Variants in TMEM165 observed in about 807,000 individuals in gnomAD.
TMEM165 encodes the protein transmembrane protein 165, also known as putative divalent cation/proton antiporter TMEM165.
In TMEM165, 19 loss-of-function variants were observed where a neutral mutation model predicts 30.0. That is an observed-to-expected ratio of 0.63 (90% CI 0.44 to 0.93). TMEM165 has a LOEUF of 0.93. Among genes scored for constraint, TMEM165 ranks in the 40% least tolerant of loss-of-function variants. The pLI is 0.00. For missense variants in TMEM165, 340 were observed against 417.0 expected (o/e 0.82, Z 1.61); for synonymous variants, 168 against 162.9 (o/e 1.03, Z -0.24).
chr4:55,427,036 ATTTT>A (rs1195135340), downstream of TMEM165, among the ~76,000 whole-genome samples: 1 of 56,504 alleles, frequency 1.8e-5, no homozygotes, highest in South Asian at 1.2e-3. Flanking sequence ...TCTCACTAGT[ATTTT>A]TTTTTTTTTT....
chr4:55,419,411 A>G (rs963517754), intron 4 of TMEM165, among the ~76,000 whole-genome samples: 7 of 152,236 alleles, frequency 4.6e-5, no homozygotes, highest in African/African-American at 1.7e-4. Flanking sequence ...TACTCTTCAG[A>G]TGAAGAACCT....
In TMEM165 at chr4:55,438,735, A is replaced by G. The variant is rs116943991; in HGVS notation, c.409-13504A>G. On this transcript the variant is annotated intron_variant, in intron 3 of 3. Coordinates refer to the TMEM165 transcript ENST00000608091. ...AGTAAAACAAAAAATTCATACAGCA[A>G]GATCAATGTGTAACAAAAATACAAA... Among the ~76,000 whole-genome samples, 81 of 152,346 alleles carry G rather than the reference A, an allele frequency of 5.3e-4. No individual in the cohort carries two copies. The East Asian group carries it at 0.015, about 28-fold the overall frequency.
chr4:55,404,636 C>T (rs1435130023), intron 1 of TMEM165, among the ~76,000 whole-genome samples: 1 of 151,600 alleles, frequency 6.6e-6, no homozygotes, highest in Non-Finnish European at 1.5e-5. Context: ...TGAGGTCTCA[C>T]TATGTTGCCC....
intron 1 of TMEM165, among the ~76,000 whole-genome samples, chr4:55,401,410 G>A (rs896155456): frequency 6.6e-6 from 1 of 150,566 alleles, no homozygotes; most frequent in Non-Finnish European, 1.5e-5. Flanking sequence ...CCTTTGAGTT[G>A]AGGGAGATCA....
chr4:55,402,655 C>T lies in TMEM165; in HGVS notation c.207+6259C>T, dbSNP rs536920146. On this transcript the variant is annotated intron_variant, in intron 1 of 5. Coordinates refer to ENST00000381334, the MANE Select transcript of TMEM165 (RefSeq NM_018475.5). Reference sequence around the variant, plus strand: ...TAGAGATGGGGTTTTGCCACGTTGGCCAGGCTGGTCTCAAGCTCCCAACCT... The same window carrying T: ...TAGAGATGGGGTTTTGCCACGTTGGTCAGGCTGGTCTCAAGCTCCCAACCT... 3.5e-4 allele frequency among the ~76,000 whole-genome samples: 51 copies of T among 145,114 alleles called. 2 individuals are homozygous for T. In the East Asian group the frequency reaches 9.2e-3, roughly 26 times the overall value.
At chr4:55,398,514 C>T (rs1175588268) in intron 1 of TMEM165, among the ~76,000 whole-genome samples, 1 of 152,244 alleles carries the variant, frequency 6.6e-6, no homozygotes, top group Middle Eastern at 3.2e-3. Context: ...ATTTAATTCA[C>T]TAATGGATTT....
intron 4 of TMEM165, among the ~76,000 whole-genome samples, chr4:55,422,284 G>C (rs1722012993): frequency 6.6e-6 from 1 of 151,946 alleles, no homozygotes; most frequent in Non-Finnish European, 1.5e-5. Context: ...TTTTTTGAGA[G>C]TCTTGCTCTG....
intron 3 of TMEM165, among the ~76,000 whole-genome samples, chr4:55,448,603 TGTGTGTGTGTGTGTG>T (rs1339963927): frequency 7.2e-4 from 20 of 27,922 alleles, no homozygotes; most frequent in African/African-American, 3.5e-3. Context: ...CACGCGCGCG[TGTGTGTGTGTGTGTG>T]TGTGTGTGTG....
exon 4 of TMEM165, chr4:55,453,211 TA>T: frequency 8.9e-7 from 1 of 1,123,240 alleles, no homozygotes; most frequent in Middle Eastern, 2.0e-4. Flanking sequence ...TCAGTGTTGT[TA>T]CGTGTCTCAT....
At chr4:55,436,512 C>T (rs1210270478) in intron 3 of TMEM165, among the ~76,000 whole-genome samples, 1 of 152,196 alleles carries the variant, frequency 6.6e-6, no homozygotes, top group Non-Finnish European at 1.5e-5. Flanking sequence ...AAAGTCCTTT[C>T]CCCATTACTG....
At position 55,418,194 on chromosome 4, in the gene TMEM165, GCT is replaced by G. The variant is rs1721819412; in HGVS notation, c.792+212_792+213del. 1.1e-5 allele frequency: 5 copies of G among 455,008 alleles called. No individual in the cohort carries two copies. In the South Asian group the frequency reaches 2.5e-4, roughly 22 times the overall value. The allele number at this position is 455,008 out of a possible 1,614,324, so 28.2% of individuals were successfully genotyped here. On this transcript the variant is annotated intron_variant, in intron 4 of 5. Coordinates refer to ENST00000381334, the MANE Select transcript of TMEM165 (RefSeq NM_018475.5). ...AATTCTTGTAACCAAGCTCAGTTGG[GCT>G]CTTTTTACTCATCCTTTTCCCTTTG...
intron 1 of TMEM165, among the ~76,000 whole-genome samples, chr4:55,407,358 G>T (rs1405876393): frequency 6.6e-6 from 1 of 152,144 alleles, no homozygotes; most frequent in East Asian, 1.9e-4. Flanking sequence ...CTTGATATGT[G>T]GCTAATCCAG....
chr4:55,420,106 A>AAAAAAATATATAT (rs1474254120), intron 4 of TMEM165, among the ~76,000 whole-genome samples: 7 of 45,452 alleles, frequency 1.5e-4, no homozygotes, highest in Non-Finnish European at 2.1e-4. Context: ...AAGAAAAAAA[A>AAAAAAATATATAT]ATATATATAT....
downstream of TMEM165, among the ~76,000 whole-genome samples, chr4:55,427,257 C>T (rs113086454): frequency 0.024 from 3,589 of 149,764 alleles, 134 homozygotes; most frequent in African/African-American, 0.084. Flanking sequence ...AGGCTGGTCT[C>T]GAACTCCTGA....
At chr4:55,447,539 C>T (rs1014647927) in intron 3 of TMEM165, among the ~76,000 whole-genome samples, 1 of 152,014 alleles carries the variant, frequency 6.6e-6, no homozygotes, top group Non-Finnish European at 1.5e-5. Flanking sequence ...GGAAGTAAAA[C>T]CACAGACCTA....
In TMEM165 at chr4:55,411,658, T is replaced by C; in HGVS notation, c.252T>C (p.Asp84=). 1 of 1,614,136 alleles carries C rather than the reference T, an allele frequency of 6.2e-7. No homozygotes were observed. Among genetic ancestry groups the C allele is most frequent in the South Asian group, 1.1e-5 (1 of 91,084 alleles). Residue 84 remains aspartate (D), a synonymous_variant, in exon 2 of 6, where the codon GAT becomes GAC. Coordinates refer to ENST00000381334, the MANE Select transcript of TMEM165 (RefSeq NM_018475.5). ...PAAPVHTNKE[D]PATQTNLGFI... is the part of the protein sequence containing the mutation. ...CTCCAGTTCATACCAATAAAGAAGA[T>C]CCTGCTACCCAAACTAATTTGGGAT...
intron 4 of TMEM165, among the ~76,000 whole-genome samples, chr4:55,422,656 ATTTT>A (rs562102837): frequency 3.4e-5 from 5 of 147,632 alleles, no homozygotes; most frequent in African/African-American, 1.2e-4. Context: ...TTATTTATTT[ATTTT>A]TTTTTTGAGA....
chr4:55,443,245 G>A (rs1195376777), intron 3 of TMEM165, among the ~76,000 whole-genome samples: 1 of 152,086 alleles, frequency 6.6e-6, no homozygotes, highest in East Asian at 1.9e-4. Context: ...GGAGGCTGAG[G>A]TGGGCGATCA....
intron 1 of TMEM165, among the ~76,000 whole-genome samples, chr4:55,401,978 C>T (rs745569214): frequency 3.4e-5 from 5 of 149,090 alleles, no homozygotes; most frequent in African/African-American, 1.3e-4. Context: ...ATTAGCTGGG[C>T]GTGGTGGCAC....
Sources: allele counts gnomAD v4.1 joint callset (sites outside exome capture counted in the v4.1 genomes callset), GRCh38; gene constraint gnomAD v4.1.1; transcripts MANE v1.5; gene names NCBI Gene and HGNC (gene_info 2026-07-23, HGNC 2026-07-21).